Variants in LINGO1 observed in about 807,000 individuals in gnomAD.
The protein encoded by LINGO1 is leucine rich repeat and Ig domain containing 1, also known as leucine-rich repeat and immunoglobulin-like domain-containing nogo receptor-interacting protein 1.
In LINGO1, 11 loss-of-function variants were observed where a neutral mutation model predicts 37.3. That is an observed-to-expected ratio of 0.29 (90% CI 0.19 to 0.49). The LOEUF (loss-of-function observed/expected upper bound fraction) is 0.49. Ranked by LOEUF, LINGO1 falls within the 20% of genes least tolerant of loss-of-function variation. The pLI is 0.99. For synonymous variants in LINGO1, 387 were observed against 403.0 expected (o/e 0.96, Z 0.48); for missense variants, 585 against 878.2 (o/e 0.67, Z 4.22).
intron 1 of LINGO1, among the ~76,000 whole-genome samples, chr15:77,628,581 T>C (rs2074161445): frequency 6.6e-6 from 1 of 152,170 alleles, no homozygotes; most frequent in Non-Finnish European, 1.5e-5. Flanking sequence ...GAGTAGTCAT[T>C]GAAAAAGAGG....
chr15:77,627,540 C>T (rs2074131199), intron 1 of LINGO1, among the ~76,000 whole-genome samples: 2 of 152,184 alleles, frequency 1.3e-5, no homozygotes, highest in African/African-American at 4.8e-5. Flanking sequence ...CACATTTGTT[C>T]CATCCGGGGT....
chr15:77,658,603 G>A (rs1221793718), intron 3 of LINGO1, among the ~76,000 whole-genome samples: 1 of 152,230 alleles, frequency 6.6e-6, no homozygotes, highest in African/African-American at 2.4e-5. Context: ...AAAGAAAGCA[G>A]GCAGGCCTGG....
chr15:77,738,878 C>G (rs2076231196), intron 1 of LINGO1, among the ~76,000 whole-genome samples: 1 of 152,210 alleles, frequency 6.6e-6, no homozygotes, highest in Admixed American at 6.5e-5. Flanking sequence ...TTCTTACTCC[C>G]TACATGAACT....
upstream of LINGO1, among the ~76,000 whole-genome samples, chr15:77,698,563 G>A (rs148882617): frequency 6.6e-4 from 100 of 152,280 alleles, no homozygotes; most frequent in African/African-American, 2.4e-3. Flanking sequence ...CTGACAGTGG[G>A]GCTGGCTCAT....
intron 1 of LINGO1, among the ~76,000 whole-genome samples, chr15:77,780,285 C>A (rs2076702676): frequency 6.6e-6 from 1 of 152,120 alleles, no homozygotes; most frequent in Admixed American, 6.5e-5. Flanking sequence ...CAATGGTGGG[C>A]CACTGAAAGG....
At chr15:77,625,566 T>C (rs1476267239) in intron 1 of LINGO1, among the ~76,000 whole-genome samples, 1 of 152,176 alleles carries the variant, frequency 6.6e-6, no homozygotes, top group African/African-American at 2.4e-5. Flanking sequence ...GCATTGGCTA[T>C]GTGCCAGGCA....
intron 2 of LINGO1, among the ~76,000 whole-genome samples, chr15:77,711,226 G>T (rs2075914445): frequency 6.6e-6 from 1 of 152,138 alleles, no homozygotes; most frequent in Admixed American, 6.5e-5. Flanking sequence ...CTGTTTCCTT[G>T]AACAATTGCT....
chr15:77,681,020 T>C (rs2075404910), intron 2 of LINGO1, among the ~76,000 whole-genome samples: 1 of 152,154 alleles, frequency 6.6e-6, no homozygotes, highest in African/African-American at 2.4e-5. Flanking sequence ...CCCCTGCGAC[T>C]TCTCACTTTC....
chr15:77,681,663 G>T (rs76672148), intron 2 of LINGO1, among the ~76,000 whole-genome samples: 6 of 152,134 alleles, frequency 3.9e-5, no homozygotes, highest in South Asian at 2.1e-4. Flanking sequence ...GGTGTGGGGG[G>T]GCTGAAAACA....
intron 2 of LINGO1, among the ~76,000 whole-genome samples, chr15:77,686,703 G>A (rs2141240949): frequency 6.6e-6 from 1 of 152,246 alleles, no homozygotes; most frequent in Non-Finnish European, 1.5e-5. Context: ...CACCATCCTT[G>A]CCTCTTCGGG....
intron 3 of LINGO1, among the ~76,000 whole-genome samples, chr15:77,671,280 A>AGGGAAGAGGG (rs2075243534): frequency 6.6e-6 from 1 of 152,108 alleles, no homozygotes; most frequent in East Asian, 1.9e-4. Context: ...AGGGAAAGGG[A>AGGGAAGAGGG]GGGAAGAGGG....
At chr15:77,721,221 A>C (rs11856761) in intron 2 of LINGO1, among the ~76,000 whole-genome samples, 15 of 151,344 alleles carry the variant, frequency 9.9e-5, no homozygotes, top group African/African-American at 3.6e-4. Context: ...CCCGGCCCTA[A>C]CCCCCTCCAG....
chr15:77,614,918 G>A lies in LINGO1; in HGVS notation c.989C>T (p.Ala330Val), dbSNP rs751300730. 2 of 1,613,958 alleles carry A rather than the reference G, an allele frequency of 1.2e-6. No homozygotes were observed. Among genetic ancestry groups the A allele is most frequent in the Non-Finnish European group, 1.7e-6 (2 of 1,179,892 alleles). ...GCGCAGGTAGTTGAGGCCGCGGAAG[G>A]CATAGGGCTCCACCACGGCCAGCTG... ...GGQLAVVEPY[A>V]FRGLNYLRVL... The change falls in exon 2 of 2, where the codon GCC becomes GTC. Residue 330 changes from alanine to valine, a missense_variant. This residue lies in a region of LINGO1 where 484 missense variants were observed against 735.0 expected (regional missense o/e 0.66). Transcript: ENST00000355300.
Position 77,712,464 on chromosome 15 carries a change from A to G in LINGO1, c.-194-21563T>C, listed in dbSNP as rs78573423. The stretch of plus-strand genomic sequence containing the variant: ...CCCAACCTGGATGAATCCAACCAAC[A>G]TCTTGGCACTTATAGCTGGGAGGCC... On this transcript the variant is annotated intron_variant, in intron 2 of 3. Coordinates refer to the LINGO1 transcript ENST00000561686. Among the ~76,000 whole-genome samples the G allele has an allele frequency of 8.9e-3, 1,352 of 152,144 alleles. 15 individuals carry two copies. The highest frequency in any genetic ancestry group is 0.031 in the African/African-American group (1,293 of 41,514).
intron 3 of LINGO1, among the ~76,000 whole-genome samples, chr15:77,655,160 T>C (rs1286077479): frequency 1.3e-5 from 2 of 152,166 alleles, no homozygotes; most frequent in South Asian, 2.1e-4. Context: ...CCTCTCTTCA[T>C]GGCAGCTCCA....
intron 3 of LINGO1, among the ~76,000 whole-genome samples, chr15:77,658,787 A>G (rs1039220946): frequency 2.0e-5 from 3 of 152,222 alleles, no homozygotes; most frequent in African/African-American, 4.8e-5. Flanking sequence ...AGTCCTGAAC[A>G]TGATGAAACC....
intron 2 of LINGO1, among the ~76,000 whole-genome samples, chr15:77,711,324 G>C (rs2075915380): frequency 6.6e-6 from 1 of 152,188 alleles, no homozygotes; most frequent in Non-Finnish European, 1.5e-5. Context: ...TTAAAGAGAG[G>C]CATGGTGCCT....
chr15:77,700,399 T>A (rs1440694513), upstream of LINGO1, among the ~76,000 whole-genome samples: 1 of 152,226 alleles, frequency 6.6e-6, no homozygotes, highest in African/African-American at 2.4e-5. Flanking sequence ...AGCCCCTCTG[T>A]GAAATGGGAT....
At chr15:77,683,836 TAAAA>T (rs60118146) in intron 2 of LINGO1, among the ~76,000 whole-genome samples, 93 of 147,884 alleles carry the variant, frequency 6.3e-4, no homozygotes, top group African/African-American at 1.6e-3. Flanking sequence ...GCTTTTATGG[TAAAA>T]AAAAAAAAAA....
Sources: allele counts gnomAD v4.1 joint callset (sites outside exome capture counted in the v4.1 genomes callset), GRCh38; gene constraint gnomAD v4.1.1; regional missense constraint gnomAD v4.1.1; transcripts MANE v1.5; gene names NCBI Gene and HGNC (gene_info 2026-07-23, HGNC 2026-07-21).